Variants in DNM3 observed in about 807,000 individuals in gnomAD.
DNM3 encodes the protein dynamin-3.
In DNM3, 47 loss-of-function variants were observed where a neutral mutation model predicts 101.6. The ratio of observed to expected loss-of-function variants is 0.46; its 90% CI spans 0.37 to 0.59. The LOEUF is 0.59. DNM3 is among the 20% of genes least tolerant of loss of function. The pLI is 0.00. For synonymous variants in DNM3, 385 were observed against 387.9 expected (o/e 0.99, Z 0.09); for missense variants, 849 against 1,085.7 (o/e 0.78, Z 3.06).
chr1:172,258,133 A>G (rs1277644564), intron 15 of DNM3, among the ~76,000 whole-genome samples: 1 of 152,022 alleles, frequency 6.6e-6, no homozygotes, highest in Non-Finnish European at 1.5e-5. Flanking sequence ...TTTTTATGGC[A>G]GATAGTATTC....
Position 172,132,873 on chromosome 1 carries a change from A to G in DNM3, c.1659+1585A>G, listed in dbSNP as rs77946755. ...TTAAAAAAGTCTTTTCTACAGGACT[A>G]TTTTCCTTATTGCAGAACATTTAGT... On this transcript the variant is annotated intron_variant, in intron 14 of 20. Coordinates refer to ENST00000627582, the MANE Select transcript of DNM3 (RefSeq NM_015569.5). 2.3e-3 allele frequency: 1,991 copies of G among 848,006 alleles called. 23 individuals are homozygous for G. The African/African-American group carries it at 0.026, about 11-fold the overall frequency. The allele number at this position is 848,006 out of a possible 1,614,324, so 52.5% of individuals were successfully genotyped here.
chr1:172,192,884 A>G (rs1331313918), intron 14 of DNM3, among the ~76,000 whole-genome samples: 2 of 151,260 alleles, frequency 1.3e-5, no homozygotes, highest in Non-Finnish European at 2.9e-5. Context: ...TCCTTTGGGT[A>G]TATACCCAGT....
intron 13 of DNM3, among the ~76,000 whole-genome samples, chr1:172,114,204 A>G (rs1298344280): frequency 6.6e-6 from 1 of 152,172 alleles, no homozygotes; most frequent in Non-Finnish European, 1.5e-5. Context: ...GAGGGATGGT[A>G]TAAGGTGAGT....
chr1:172,016,350 T>A (rs575057622), intron 4 of DNM3, among the ~76,000 whole-genome samples: 7 of 152,220 alleles, frequency 4.6e-5, no homozygotes, highest in African/African-American at 1.7e-4. Context: ...TGCATCTTTT[T>A]AAGTTTTTCT....
rs201629311 is a variant in DNM3 at position 172,028,808 on chromosome 1, CA to C, written c.590-3592del. On this transcript the variant is annotated intron_variant, in intron 4 of 20. Transcript: ENST00000627582. Reference sequence around the variant, plus strand: ...CTATGCAAATAAACTAGGAAATCTACAAGAAATGGAAAAATTATTAGACACA... The same window carrying C: ...CTATGCAAATAAACTAGGAAATCTACAGAAATGGAAAAATTATTAGACACA... 6.1e-3 allele frequency among the ~76,000 whole-genome samples: 934 copies of C among 152,152 alleles called. 10 individuals are homozygous for C. The highest frequency in any genetic ancestry group is 0.021 in the African/African-American group (886 of 41,524).
intron 11 of DNM3, among the ~76,000 whole-genome samples, chr1:172,069,967 T>TG (rs2052026220): frequency 6.6e-6 from 1 of 151,792 alleles, no homozygotes; most frequent in Admixed American, 6.6e-5. Flanking sequence ...AGAGTGTGCG[T>TG]GGGGAAGAGG....
intron 14 of DNM3, among the ~76,000 whole-genome samples, chr1:172,247,715 G>A (rs751255464): frequency 1.2e-4 from 17 of 141,912 alleles, no homozygotes; most frequent in Non-Finnish European, 1.6e-4. Flanking sequence ...AGACAGTTTC[G>A]CTCTTGTCAC....
At chr1:172,258,279 C>G (rs58342887) in intron 15 of DNM3, among the ~76,000 whole-genome samples, 2 of 151,858 alleles carry the variant, frequency 1.3e-5, no homozygotes, top group Non-Finnish European at 2.9e-5. Context: ...TACTGATTTC[C>G]TTTTCTTTGA....
At chr1:172,243,371 A>G (rs1484202544) in intron 14 of DNM3, among the ~76,000 whole-genome samples, 1 of 152,186 alleles carries the variant, frequency 6.6e-6, no homozygotes, top group Non-Finnish European at 1.5e-5. Flanking sequence ...AAAAAAATAC[A>G]TGGCCGAAGA....
At chr1:172,126,305 G>C (rs763473552) in intron 13 of DNM3, among the ~76,000 whole-genome samples, 1 of 152,136 alleles carries the variant, frequency 6.6e-6, no homozygotes, top group Non-Finnish European at 1.5e-5. Context: ...TGGGTAACTG[G>C]TAAGAGATGT....
intron 20 of DNM3, among the ~76,000 whole-genome samples, chr1:172,403,269 G>A (rs886717451): frequency 3.3e-5 from 5 of 152,140 alleles, no homozygotes; most frequent in African/African-American, 1.2e-4. Flanking sequence ...GGCAGGGACA[G>A]AAAGGCCAAT....
chr1:171,970,174 A>T (rs2043888801), intron 2 of DNM3: 1 of 606,700 alleles, frequency 1.6e-6, no homozygotes, highest in Non-Finnish European at 2.1e-6. Context: ...GAAGCACGAA[A>T]AATCATTATA....
chr1:172,281,322 G>T (rs191163154), intron 15 of DNM3, among the ~76,000 whole-genome samples: 3 of 152,234 alleles, frequency 2.0e-5, no homozygotes, highest in Non-Finnish European at 4.4e-5. Flanking sequence ...CAGAGTTCCA[G>T]ATGAACTCTA....
intron 14 of DNM3, among the ~76,000 whole-genome samples, chr1:172,237,939 G>A (rs2061606997): frequency 6.6e-6 from 1 of 152,168 alleles, no homozygotes; most frequent in African/African-American, 2.4e-5. Context: ...GACCCCACCA[G>A]TCTGCTGCCA....
At chr1:172,045,997 A>T (rs1021102142) in intron 9 of DNM3, among the ~76,000 whole-genome samples, 8 of 152,314 alleles carry the variant, frequency 5.3e-5, no homozygotes, top group African/African-American at 1.7e-4. Flanking sequence ...GTCAGTGTGG[A>T]GATTCCTCAG....
intron 11 of DNM3, among the ~76,000 whole-genome samples, chr1:172,076,059 T>G (rs1365247440): frequency 6.6e-6 from 1 of 152,224 alleles, no homozygotes; most frequent in African/African-American, 2.4e-5. Context: ...CCTAGGTATT[T>G]TATTCTCTTT....
At chr1:172,283,759 CAAAAA>C (rs769812358) in intron 15 of DNM3, among the ~76,000 whole-genome samples, 2 of 40,294 alleles carry the variant, frequency 5.0e-5, no homozygotes, top group African/African-American at 1.4e-4. Flanking sequence ...GACTCCATCT[CAAAAA>C]AAAAAAAAAA....
At chr1:171,866,982 C>T (rs2125067558) in intron 1 of DNM3, among the ~76,000 whole-genome samples, 2 of 152,254 alleles carry the variant, frequency 1.3e-5, no homozygotes, top group Middle Eastern at 6.8e-3. Context: ...GCTTTTAGGT[C>T]GTATTTTAAA....
intron 1 of DNM3, among the ~76,000 whole-genome samples, chr1:171,875,827 T>TTTTTTTTG (rs2035719985): frequency 6.9e-6 from 1 of 145,780 alleles, no homozygotes; most frequent in Non-Finnish European, 1.5e-5. Context: ...TTTTTTTTTT[T>TTTTTTTTG]TTGAGATGGA....
Sources: gnomAD v4.1 joint callset for allele counts (sites outside exome capture counted in the v4.1 genomes callset) on GRCh38, gnomAD v4.1.1 for gene constraint, MANE v1.5 for transcripts, NCBI Gene and HGNC (gene_info 2026-07-23, HGNC 2026-07-21) for gene names.